ST3GAL1: variants seen among roughly 807,000 people sequenced by gnomAD.
ST3GAL1 encodes the protein ST3 beta-galactoside alpha-2,3-sialyltransferase 1.
ST3GAL1 carries 16 observed loss-of-function variants against 34.1 expected under a neutral mutation model. The ratio of observed to expected loss-of-function variants is 0.47; its 90% CI spans 0.32 to 0.71. The LOEUF is 0.71. Among genes scored for constraint, ST3GAL1 ranks in the 30% least tolerant of loss-of-function variants. The pLI, the probability that ST3GAL1 is intolerant of heterozygous loss-of-function variation, is 0.04. For synonymous variants in ST3GAL1, 191 were observed against 184.7 expected, an observed-to-expected ratio of 1.03 and a Z score of -0.28; for missense variants, 353 against 447.4, an observed-to-expected ratio of 0.79 and a Z score of 1.90.
chr8:133,462,129 T>C, intron 8 of ST3GAL1, 135 bp from the exon 9 acceptor site: 1 of 1,322,210 alleles, frequency 7.6e-7, no homozygotes, highest in Non-Finnish European at 1.0e-6. Flanking sequence ...ACTTGTGGGC[T>C]TCCATGCTCG....
chr8:133,478,780 G>C (rs189776643), intron 3 of ST3GAL1, among the ~76,000 whole-genome samples: 2 of 152,294 alleles, frequency 1.3e-5, no homozygotes, highest in East Asian at 3.9e-4. Context: ...GCTGCACTCT[G>C]TCTGTGCTCT....
rs71299078 is a variant in ST3GAL1, at chr8:133,541,120, T to TATATAGAGAGAGAG, written c.-429+4653_-429+4654insCTCTCTCTCTATAT. On this transcript the variant is annotated intron_variant, in intron 2 of 9. Coordinates refer to ENST00000522652, the MANE Select transcript of ST3GAL1 (RefSeq NM_173344.3). ...ACATATATATATATATATATATATA[T>TATATAGAGAGAGAG]AGAGAGAGAGAGAGAGAGAGAGAGA... 3.1e-4 allele frequency among the ~76,000 whole-genome samples: 15 copies of TATATAGAGAGAGAG among 48,644 alleles called. 1 individual carries two copies. Among genetic ancestry groups the TATATAGAGAGAGAG allele is most frequent in the African/African-American group, 8.9e-4 (9 of 10,138 alleles). 31.9% of individuals were successfully genotyped at this position (48,644 alleles called of 152,430 possible).
At chr8:133,560,160 C>T (rs868847466) in intron 1 of ST3GAL1, among the ~76,000 whole-genome samples, 1 of 151,880 alleles carries the variant, frequency 6.6e-6, no homozygotes, top group African/African-American at 2.4e-5. Context: ...TTTGAGGTGA[C>T]AGATATGCAA....
chr8:133,479,126 C>T (rs1816287310), intron 3 of ST3GAL1, among the ~76,000 whole-genome samples: 2 of 152,310 alleles, frequency 1.3e-5, no homozygotes, highest in East Asian at 3.9e-4. Flanking sequence ...TTCTCGGGGC[C>T]GTCAGCCCAT....
intron 1 of ST3GAL1, among the ~76,000 whole-genome samples, chr8:133,568,083 G>A (rs374314601): frequency 4.7e-4 from 72 of 152,156 alleles, no homozygotes; most frequent in African/African-American, 1.6e-3. Context: ...CACTATGCCC[G>A]GCTAATTTTT....
chr8:133,510,474 A>G (rs1000477241), intron 2 of ST3GAL1, among the ~76,000 whole-genome samples: 1 of 152,202 alleles, frequency 6.6e-6, no homozygotes, highest in African/African-American at 2.4e-5. Context: ...CGGGTCCACT[A>G]TGTACATGCC....
chr8:133,507,300 C>T (rs1200713226), intron 2 of ST3GAL1, among the ~76,000 whole-genome samples: 1 of 152,230 alleles, frequency 6.6e-6, no homozygotes. Flanking sequence ...CTCTGAAGTC[C>T]TGCAGTGCCT....
intron 2 of ST3GAL1, among the ~76,000 whole-genome samples, chr8:133,513,925 T>A (rs1415066008): frequency 2.7e-5 from 4 of 149,640 alleles, no homozygotes; most frequent in Admixed American, 2.7e-4. Context: ...AAAGAAAAAA[T>A]TTTGATCCCT....
At chr8:133,557,003 C>CAACCCCCCAACCT (rs1347380806) in intron 1 of ST3GAL1, among the ~76,000 whole-genome samples, 10 of 152,122 alleles carry the variant, frequency 6.6e-5, no homozygotes, top group Non-Finnish European at 1.3e-4. Flanking sequence ...GGGTATGTGA[C>CAACCCCCCAACCT]AACCCCCCAA....
At chr8:133,481,231 G>A (rs1349243097) in intron 3 of ST3GAL1, among the ~76,000 whole-genome samples, 1 of 152,196 alleles carries the variant, frequency 6.6e-6, no homozygotes, top group East Asian at 1.9e-4. Flanking sequence ...GTCTCCTGAT[G>A]AGCAGGTACA....
At chr8:133,472,523 A>AG (rs911590381) in intron 5 of ST3GAL1, among the ~76,000 whole-genome samples, 7 of 152,362 alleles carry the variant, frequency 4.6e-5, no homozygotes, top group Admixed American at 1.3e-4. Flanking sequence ...TCCTGCCTGC[A>AG]GGGGGGCCTT....
chr8:133,499,350 AAG>A (rs1205058399), intron 2 of ST3GAL1, 161 bp from the exon 3 acceptor site: 1 of 152,176 alleles, frequency 6.6e-6, no homozygotes. Flanking sequence ...GTGGGGAGAG[AAG>A]AGAGTCACCT....
intron 1 of ST3GAL1, among the ~76,000 whole-genome samples, chr8:133,554,019 C>A (rs555326928): frequency 3.0e-4 from 46 of 152,224 alleles, no homozygotes; most frequent in African/African-American, 1.1e-3. Context: ...ATGCACTGAG[C>A]CCCTGGAACT....
chr8:133,480,930 T>C (rs905348533), intron 3 of ST3GAL1, among the ~76,000 whole-genome samples: 3 of 152,250 alleles, frequency 2.0e-5, no homozygotes, highest in African/African-American at 7.2e-5. Context: ...GTCTTTTAGT[T>C]CTGGAATTTC....
chr8:133,520,270 G>A (rs1473600955), intron 2 of ST3GAL1, among the ~76,000 whole-genome samples: 2 of 152,202 alleles, frequency 1.3e-5, no homozygotes, highest in Non-Finnish European at 2.9e-5. Context: ...AACTCGCAGC[G>A]GGGTGTGGTG....
At position 133,461,319 on chromosome 8, in the gene ST3GAL1, G is replaced by A. The variant is rs967016923; in HGVS notation, c.849+556C>T. 1.5e-4 allele frequency among the ~76,000 whole-genome samples: 23 copies of A among 152,166 alleles called. No homozygotes were observed. Among genetic ancestry groups the A allele is most frequent in the African/African-American group, 4.8e-4 (20 of 41,426 alleles). On this transcript the variant is annotated intron_variant, in intron 9 of 9. Transcript: ENST00000522652. This position sits in a 1 kb window ranked among gnomAD's most constrained non-coding sequence, Gnocchi z 4.7. ...GCCCTCCTGCCCCTCTTCCTGGGGT[G>A]GCAGCAAACCTCTCAGAGCATAAGT...
intron 3 of ST3GAL1, among the ~76,000 whole-genome samples, chr8:133,477,665 G>A (rs1162636485): frequency 1.3e-5 from 2 of 152,028 alleles, no homozygotes; most frequent in Non-Finnish European, 2.9e-5. Flanking sequence ...AGGCAAACAG[G>A]TACCTCTCAA....
rs576964556 is a variant in ST3GAL1, at chr8:133,469,587, C to G, written c.307-3497G>C. 3.0e-4 allele frequency among the ~76,000 whole-genome samples: 46 copies of G among 152,326 alleles called. No homozygotes were observed. Among genetic ancestry groups the G allele is most frequent in the African/African-American group, 1.0e-3 (42 of 41,576 alleles). ...TACCACACGTAGAAAGCAAGAATTA[C>G]CTGGCAGAAGTAAAATGGTAGTTGT... On this transcript the variant is annotated intron_variant, in intron 5 of 9. Coordinates refer to ENST00000522652, the MANE Select transcript of ST3GAL1 (RefSeq NM_173344.3). The surrounding 1 kb of genome is among the most constrained non-coding windows in gnomAD (Gnocchi z 4.3).
intron 3 of ST3GAL1, among the ~76,000 whole-genome samples, chr8:133,492,417 C>A (rs1278116830): frequency 6.6e-6 from 1 of 152,124 alleles, no homozygotes; most frequent in East Asian, 1.9e-4. Context: ...GTGGTATGTT[C>A]TCTTTCAAAG....
Sources: gnomAD v4.1 joint callset for allele counts (sites outside exome capture counted in the v4.1 genomes callset) on GRCh38, gnomAD v4.1.1 for gene constraint, Gnocchi (gnomAD v3.1) non-coding constraint, MANE v1.5 for transcripts, NCBI Gene and HGNC (gene_info 2026-07-23, HGNC 2026-07-21) for gene names.